FBXO28: variants seen among roughly 807,000 people sequenced by gnomAD.
FBXO28 encodes F-box only protein 28.
Under a neutral mutation model 38.1 loss-of-function variants are expected in FBXO28, and 8 were observed. The observed-to-expected ratio is 0.21, with a 90% CI of 0.12 to 0.38. The LOEUF is 0.38. FBXO28 is among the 10% of genes least tolerant of loss of function. The pLI, the probability that FBXO28 is intolerant of heterozygous loss-of-function variation, is 1.00. For synonymous variants in FBXO28, 168 were observed against 173.8 expected, an observed-to-expected ratio of 0.97 and a Z score of 0.26; for missense variants, 345 against 460.6, an observed-to-expected ratio of 0.75 and a Z score of 2.30.
intron 1 of FBXO28, among the ~76,000 whole-genome samples, chr1:224,116,711 G>C (rs1656651209): frequency 6.6e-6 from 1 of 152,076 alleles, no homozygotes; most frequent in Non-Finnish European, 1.5e-5. Context: ...CAATAAATAG[G>C]TACACAATCC....
chr1:224,129,847 G>A (rs533066117), intron 1 of FBXO28, among the ~76,000 whole-genome samples: 56 of 152,250 alleles, frequency 3.7e-4, no homozygotes, highest in East Asian at 1.7e-3. Flanking sequence ...AAAATTAGCC[G>A]GGCGTGGTGG....
chr1:224,144,776 C>CCCT (rs1657458230), intron 3 of FBXO28, among the ~76,000 whole-genome samples: 1 of 151,664 alleles, frequency 6.6e-6, no homozygotes, highest in South Asian at 2.1e-4. Context: ...AAAAAACAAG[C>CCCT]CCTCCTATTT....
chr1:224,142,470 T>G (rs145260323), intron 3 of FBXO28, among the ~76,000 whole-genome samples: 24,058 of 151,930 alleles, frequency 0.16, 2,048 homozygotes, highest in Middle Eastern at 0.24. Flanking sequence ...ACTTCTTGAC[T>G]TTTTTGTAAT....
chr1:224,157,485 T>G lies in FBXO28; in HGVS notation c.846T>G (p.Ile282Met), dbSNP rs1435982715. 7.4e-6 allele frequency: 12 copies of G among 1,614,112 alleles called. No homozygotes were observed. ...GAGVTVLRRE[I>M]SELRTKVQEQ... ...GCGTGACTGTTCTCAGGCGTGAAAT[T>G]TCTGAGCTTCGCACCAAAGTGCAAG... Residue 282 changes from isoleucine to methionine, a missense_variant, in exon 5 of 5, where the codon ATT becomes ATG. Physicochemically the swap from Ile to Met is conservative, Grantham distance 10. This residue lies in a region of FBXO28 where 151 missense variants were observed against 188.3 expected (regional missense o/e 0.80). Transcript: ENST00000366862.
chr1:224,115,402 A>C (rs939147887), intron 1 of FBXO28, among the ~76,000 whole-genome samples: 1 of 152,198 alleles, frequency 6.6e-6, no homozygotes, highest in African/African-American at 2.4e-5. Flanking sequence ...GGACAAAGAT[A>C]TTTCTGAATG....
intron 1 of FBXO28, among the ~76,000 whole-genome samples, chr1:224,127,870 G>C (rs1276788208): frequency 6.6e-6 from 1 of 152,202 alleles, no homozygotes; most frequent in Non-Finnish European, 1.5e-5. Flanking sequence ...TCACGCCACT[G>C]CACTTCAACC....
rs1657905586 is a variant in FBXO28 at position 224,161,462 on chromosome 1, ACT to A, written c.*3717_*3718del. ...TCTGATATGAAACCCAACTTGATAC[ACT>A]GTTTGGTTCTTTGACTTGGGATCTA... On this transcript the variant is annotated 3_prime_UTR_variant, in exon 5 of 5. Coordinates refer to ENST00000366862, the MANE Select transcript of FBXO28 (RefSeq NM_015176.4). 2 of 152,154 alleles carry A rather than the reference ACT, an allele frequency of 1.3e-5. No individual in the cohort carries two copies. The highest frequency in any genetic ancestry group is 4.8e-5 in the African/African-American group (2 of 41,442). 9.4% of individuals were successfully genotyped at this position (152,154 alleles called of 1,614,324 possible).
rs558454757 is a variant in FBXO28 at position 224,114,245 on chromosome 1, A to T, written c.116A>T (p.Gln39Leu). ...CGACAGCCTCCACCGCCCGCGCCAC[A>T]GCACCCGCAGCCGGGGTCCCAGGCG... ...TQRQPPPPAP[Q>L]HPQPGSQALP... Residue 39 changes from glutamine to leucine, a missense_variant, in exon 1 of 5, where the codon CAG (glutamine) becomes CTG (leucine). Transcript: ENST00000366862. 12 of 1,552,990 alleles carry T rather than the reference A, an allele frequency of 7.7e-6. No homozygotes were observed. In the South Asian group the frequency reaches 1.4e-4, roughly 18 times the overall value.
intron 1 of FBXO28, among the ~76,000 whole-genome samples, chr1:224,122,607 GC>G (rs1387474368): frequency 4.8e-5 from 7 of 147,044 alleles, no homozygotes; most frequent in Admixed American, 2.7e-4. Context: ...TTTTTTTACA[GC>G]CCCCCCCAAG....
chr1:224,124,000 C>T (rs1332685156), intron 1 of FBXO28, among the ~76,000 whole-genome samples: 1 of 152,106 alleles, frequency 6.6e-6, no homozygotes, highest in African/African-American at 2.4e-5. Flanking sequence ...ATGCCAACTA[C>T]TTGGGAGATT....
At chr1:224,127,416 A>C (rs918800171) in intron 1 of FBXO28, among the ~76,000 whole-genome samples, 10 of 152,248 alleles carry the variant, frequency 6.6e-5, no homozygotes, top group Admixed American at 4.6e-4. Context: ...GTTCTGTTAA[A>C]CCACATATCA....
chr1:224,131,802 T>G (rs1553289378), intron 2 of FBXO28, among the ~76,000 whole-genome samples: 1 of 152,120 alleles, frequency 6.6e-6, no homozygotes, highest in Non-Finnish European at 1.5e-5. Context: ...AAGAAAAAAT[T>G]AAGCAAATTG....
chr1:224,132,558 C>T (rs565531202), intron 2 of FBXO28, among the ~76,000 whole-genome samples: 1 of 152,196 alleles, frequency 6.6e-6, no homozygotes, highest in African/African-American at 2.4e-5. Context: ...GTAATGCCAG[C>T]AGTTTGGGAG....
At chr1:224,139,608 G>C (rs570508143) in intron 3 of FBXO28, among the ~76,000 whole-genome samples, 1 of 152,078 alleles carries the variant, frequency 6.6e-6, no homozygotes, top group South Asian at 2.1e-4. Context: ...TGGGCTGGTG[G>C]CACACGCCTG....
In FBXO28 at chr1:224,159,003, T is replaced by C. The variant is rs1160367930; in HGVS notation, c.*1257T>C. 6.6e-6 allele frequency: 1 copy of C among 152,642 alleles called. No individual in the cohort carries two copies. Among genetic ancestry groups the C allele is most frequent in the Non-Finnish European group, 1.5e-5 (1 of 68,036 alleles). The allele number at this position is 152,642 out of a possible 1,614,324, so 9.5% of individuals were successfully genotyped here. ...AAAGCATGTCTTGCACTGTTCAACC[T>C]CCTGAGTGGTCGCTTTAACAACCTC... is the stretch of plus-strand genomic sequence containing the variant. On this transcript the variant is annotated 3_prime_UTR_variant, in exon 5 of 5. Transcript: ENST00000366862.
At chr1:224,120,744 T>C (rs1022318174) in intron 1 of FBXO28, among the ~76,000 whole-genome samples, 2 of 151,484 alleles carry the variant, frequency 1.3e-5, no homozygotes, top group Non-Finnish European at 2.9e-5. Context: ...GCACTTGTAA[T>C]CCCAGCTACT....
chr1:224,159,370 A>G lies in FBXO28; in HGVS notation c.*1624A>G, dbSNP rs1234312838. The G allele has an allele frequency of 1.3e-5, 2 of 152,336 alleles. No homozygotes were observed. The highest frequency in any genetic ancestry group is 2.9e-5 in the Non-Finnish European group (2 of 67,978). 9.4% of individuals were successfully genotyped at this position (152,336 alleles called of 1,614,324 possible). A position where few individuals can be genotyped will look rare whatever the true frequency, so the allele number is the denominator to read the frequency against. ...TCACCAAATGAAGCTTTTTCTATCC[A>G]TTTTTAATATTGTCCTTACATAATA... On this transcript the variant is annotated 3_prime_UTR_variant, in exon 5 of 5. Coordinates refer to ENST00000366862, the MANE Select transcript of FBXO28 (RefSeq NM_015176.4).
chr1:224,126,116 C>T lies in FBXO28; in HGVS notation c.268-4356C>T, dbSNP rs1003988453. On this transcript the variant is annotated intron_variant, in intron 1 of 4. Coordinates refer to ENST00000366862, the MANE Select transcript of FBXO28 (RefSeq NM_015176.4). ...TCTAACTTAGCAATCTTTGCCCTCT[C>T]CTCCTTCAAAGCCTAATTCAAATCT... 5.3e-5 allele frequency among the ~76,000 whole-genome samples: 8 copies of T among 152,290 alleles called. No homozygotes were observed. In the East Asian group the frequency reaches 1.5e-3, roughly 29 times the overall value.
rs148795626 is a variant in FBXO28, at chr1:224,139,072, T to C, written c.516+4860T>C. Reference sequence around the variant, plus strand: ...TGCTGGGATTACAGATGTGAGCCACTGCGCCCAGCCCAGTCTCTGCTCTTA... The same window carrying C: ...TGCTGGGATTACAGATGTGAGCCACCGCGCCCAGCCCAGTCTCTGCTCTTA... On this transcript the variant is annotated intron_variant, in intron 3 of 4. Transcript: ENST00000366862. 1.9e-3 allele frequency among the ~76,000 whole-genome samples: 295 copies of C among 151,844 alleles called. 7 individuals carry two copies. The highest frequency in any genetic ancestry group is 7.4e-3 in the East Asian group (38 of 5,166).
Sources: gnomAD v4.1 joint callset for allele counts (sites outside exome capture counted in the v4.1 genomes callset) on GRCh38, gnomAD v4.1.1 for gene constraint, gnomAD v4.1.1 regional missense constraint, MANE v1.5 for transcripts, NCBI Gene and HGNC (gene_info 2026-07-23, HGNC 2026-07-21) for gene names.